The following PRR5L variants were observed in gnomAD, a reference collection of about 807,000 sequenced individuals.
PRR5L encodes the protein proline rich 5 like.
In PRR5L, 21 loss-of-function variants were observed where a neutral mutation model predicts 36.4. The ratio of observed to expected loss-of-function variants is 0.58; its 90% confidence interval spans 0.41 to 0.83. PRR5L has a LOEUF of 0.83. Among genes scored for constraint, PRR5L ranks in the 40% least tolerant of loss-of-function variants. The pLI is 0.00. For missense variants in PRR5L, 381 were observed against 473.3 expected, an observed-to-expected ratio of 0.80 and a Z score of 1.81; for synonymous variants, 188 against 197.0, an observed-to-expected ratio of 0.95 and a Z score of 0.38.
chr11:36,451,429 G>A lies in PRR5L; in HGVS notation c.712+94G>A. 16 of 1,458,952 alleles carry A rather than the reference G, an allele frequency of 1.1e-5. No individual in the cohort carries two copies. The South Asian group carries it at 2.0e-4, about 18-fold the overall frequency. The allele number at this position is 1,458,952 out of a possible 1,614,324, so 90.4% of individuals were successfully genotyped here. On this transcript the variant is annotated intron_variant, in intron 8 of 8. Transcript: ENST00000530639. ...ACTGTTTAACTGAGCACTGATACCA[G>A]CACTGTTTAACTGAGCACAGCCTTT...
At chr11:36,315,221 G>A (rs1856543751) in intron 1 of PRR5L, among the ~76,000 whole-genome samples, 1 of 152,146 alleles carries the variant, frequency 6.6e-6, no homozygotes, top group Admixed American at 6.5e-5. Flanking sequence ...TGACTGTCGG[G>A]GAGATGAAAT....
intron 3 of PRR5L, among the ~76,000 whole-genome samples, chr11:36,408,842 C>G (rs1857964460): frequency 6.6e-6 from 1 of 152,136 alleles, no homozygotes; most frequent in South Asian, 2.1e-4. Flanking sequence ...TTTGAAGAAC[C>G]TGCTTGCCAA....
intron 3 of PRR5L, among the ~76,000 whole-genome samples, chr11:36,413,451 C>T (rs1858070212): frequency 6.6e-6 from 1 of 152,164 alleles, no homozygotes; most frequent in Non-Finnish European, 1.5e-5. Context: ...ACTTCAGAAT[C>T]TTAAAAATTT....
chr11:36,436,181 G>T (rs986728671), intron 5 of PRR5L, among the ~76,000 whole-genome samples: 32 of 152,290 alleles, frequency 2.1e-4, no homozygotes, highest in Admixed American at 1.4e-3. Context: ...TTAATAGACG[G>T]GAGGCGCCAA....
chr11:36,421,307 G>A (rs938271207), intron 4 of PRR5L, among the ~76,000 whole-genome samples: 3 of 152,162 alleles, frequency 2.0e-5, no homozygotes, highest in Non-Finnish European at 4.4e-5. Context: ...TTGTTTATCT[G>A]GGAAGCCTTG....
At chr11:36,337,044 G>A (rs1856775608) in intron 1 of PRR5L, among the ~76,000 whole-genome samples, 1 of 152,128 alleles carries the variant, frequency 6.6e-6, no homozygotes, top group African/African-American at 2.4e-5. Flanking sequence ...TCATATAGAT[G>A]AAGAAGAAAC....
At chr11:36,334,584 C>G (rs777866622) in intron 1 of PRR5L, among the ~76,000 whole-genome samples, 45 of 152,206 alleles carry the variant, frequency 3.0e-4, no homozygotes, top group Admixed American at 7.2e-4. Context: ...GCCTGGTTAA[C>G]CACTCTTTAT....
At chr11:36,329,231 G>C (rs1334070413) in intron 1 of PRR5L, 1 of 152,124 alleles carries the variant, frequency 6.6e-6, no homozygotes, top group African/African-American at 2.4e-5. Flanking sequence ...CCTTGAGCAT[G>C]GCATGGAAGA....
At chr11:36,302,316 T>A (rs1265178178) in intron 1 of PRR5L, among the ~76,000 whole-genome samples, 1 of 152,134 alleles carries the variant, frequency 6.6e-6, no homozygotes, top group Non-Finnish European at 1.5e-5. Context: ...GAACAGCCTG[T>A]GTGTAGGCCT....
chr11:36,418,388 G>A (rs1423886773), intron 3 of PRR5L, among the ~76,000 whole-genome samples: 1 of 152,138 alleles, frequency 6.6e-6, no homozygotes, highest in Non-Finnish European at 1.5e-5. Context: ...AGACAGGGTG[G>A]AGTTATGGGA....
chr11:36,447,566 A>G (rs1194818581), intron 7 of PRR5L, among the ~76,000 whole-genome samples: 1 of 152,220 alleles, frequency 6.6e-6, no homozygotes, highest in Non-Finnish European at 1.5e-5. Context: ...CTGCAGCATT[A>G]GCTCTGAGCC....
intron 1 of PRR5L, among the ~76,000 whole-genome samples, chr11:36,343,993 G>C (rs1249567530): frequency 6.6e-6 from 1 of 151,956 alleles, no homozygotes; most frequent in East Asian, 1.9e-4. Context: ...GAGGCGGGTG[G>C]ATCACCTGAA....
intron 1 of PRR5L, among the ~76,000 whole-genome samples, chr11:36,330,344 T>C (rs1856706134): frequency 6.6e-6 from 1 of 152,188 alleles, no homozygotes; most frequent in African/African-American, 2.4e-5. Context: ...CTTCATCAAT[T>C]CATTTAGTCC....
chr11:36,310,620 T>A (rs1466716536), intron 1 of PRR5L, among the ~76,000 whole-genome samples: 1 of 152,156 alleles, frequency 6.6e-6, no homozygotes, highest in African/African-American at 2.4e-5. Context: ...AGAACCAGCA[T>A]GGAACATGCA....
intron 6 of PRR5L, 95 bp from the exon 7 acceptor site, chr11:36,446,205 T>C: frequency 5.8e-6 from 8 of 1,387,366 alleles, no homozygotes; most frequent in Non-Finnish European, 7.9e-6. Context: ...CCATCTTTGG[T>C]GCTATATAAA....
chr11:36,317,090 C>A (rs1285315394), intron 1 of PRR5L, among the ~76,000 whole-genome samples: 2 of 152,204 alleles, frequency 1.3e-5, no homozygotes, highest in African/African-American at 4.8e-5. Context: ...CAAACCAACA[C>A]TTTCCAGAAA....
At chr11:36,389,171 T>C (rs1011554260) in intron 1 of PRR5L, among the ~76,000 whole-genome samples, 3 of 103,028 alleles carry the variant, frequency 2.9e-5, no homozygotes, top group Admixed American at 1.1e-4. Context: ...TGAATAAAAT[T>C]CTTGGAAATA....
At chr11:36,389,414 C>T (rs1023449703) in intron 1 of PRR5L, among the ~76,000 whole-genome samples, 3 of 152,142 alleles carry the variant, frequency 2.0e-5, no homozygotes, top group Non-Finnish European at 4.4e-5. Context: ...CAGGGCGAGG[C>T]CGTGATCTAG....
intron 1 of PRR5L, among the ~76,000 whole-genome samples, chr11:36,327,638 T>C (rs969761678): frequency 1.3e-5 from 2 of 152,240 alleles, no homozygotes; most frequent in Admixed American, 1.3e-4. Context: ...AAGGTCTGAA[T>C]AGAAATCACT....
Sources: allele counts gnomAD v4.1 joint callset (sites outside exome capture counted in the v4.1 genomes callset), GRCh38; gene constraint gnomAD v4.1.1; transcripts MANE v1.5; gene names NCBI Gene and HGNC (gene_info 2026-07-23, HGNC 2026-07-21).